CATSPERE: variants seen among roughly 807,000 people sequenced by gnomAD.
CATSPERE encodes cation channel sperm-associated auxiliary subunit epsilon.
Under a neutral mutation model 114.1 loss-of-function variants are expected in CATSPERE, and 93 were observed. The observed-to-expected ratio is 0.81, with a 90% CI of 0.69 to 0.97. The LOEUF (loss-of-function observed/expected upper bound fraction) is 0.97, where lower values mean the gene tolerates loss of function less well. Among genes scored for constraint, CATSPERE ranks in the 50% least tolerant of loss-of-function variants. The pLI is 0.00. For missense variants in CATSPERE, 1,058 were observed against 1,131.6 expected (o/e 0.93, Z 0.93); for synonymous variants, 341 against 384.1 (o/e 0.89, Z 1.31).
intron 5 of CATSPERE, among the ~76,000 whole-genome samples, chr1:244,483,402 C>T (rs1670553800): frequency 6.6e-6 from 1 of 152,142 alleles, no homozygotes; most frequent in Admixed American, 6.5e-5. Context: ...CTGGGTGATG[C>T]CTAAGTAACT....
intron 7 of CATSPERE, among the ~76,000 whole-genome samples, chr1:244,508,820 G>A (rs1430159481): frequency 7.1e-6 from 1 of 141,476 alleles, no homozygotes; most frequent in East Asian, 2.1e-4. Flanking sequence ...AACATAGTGA[G>A]ACCCTATCTC....
chr1:244,475,409 T>C (rs527996038), intron 2 of CATSPERE, among the ~76,000 whole-genome samples: 1 of 151,846 alleles, frequency 6.6e-6, no homozygotes, highest in South Asian at 2.1e-4. Context: ...AATTTTTGTA[T>C]TTTTAGTAGA....
chr1:244,619,635 G>A (rs979228747), intron 20 of CATSPERE, among the ~76,000 whole-genome samples: 1 of 152,204 alleles, frequency 6.6e-6, no homozygotes, highest in Non-Finnish European at 1.5e-5. Context: ...GTAAGAGGGG[G>A]CTTCGGAAAA....
At chr1:244,578,717 GTA>G (rs199992325) in intron 11 of CATSPERE, among the ~76,000 whole-genome samples, 1 of 141,572 alleles carries the variant, frequency 7.1e-6, no homozygotes. Flanking sequence ...ATATATACAG[GTA>G]TATATATATA....
At chr1:244,537,197 G>C (rs906108438) in intron 8 of CATSPERE, among the ~76,000 whole-genome samples, 2 of 152,146 alleles carry the variant, frequency 1.3e-5, no homozygotes, top group Non-Finnish European at 1.5e-5. Flanking sequence ...TCAAGTTTAA[G>C]AAGGTCCCCT....
At chr1:244,481,623 C>T (rs1277734565) in intron 5 of CATSPERE, among the ~76,000 whole-genome samples, 4 of 152,054 alleles carry the variant, frequency 2.6e-5, no homozygotes, top group African/African-American at 9.7e-5. Flanking sequence ...GTGTCCCACC[C>T]CATTTACCCC....
intron 6 of CATSPERE, among the ~76,000 whole-genome samples, chr1:244,494,044 C>G (rs541438253): frequency 6.6e-6 from 1 of 152,052 alleles, no homozygotes; most frequent in East Asian, 1.9e-4. Context: ...GTCAGTGTGG[C>G]GATTCCTCAG....
chr1:244,544,376 T>C (rs1659387929), intron 8 of CATSPERE, among the ~76,000 whole-genome samples: 1 of 152,182 alleles, frequency 6.6e-6, no homozygotes, highest in Admixed American at 6.6e-5. Flanking sequence ...TGCGGGCTTA[T>C]GGAGGTTAGA....
At chr1:244,552,136 ATT>A (rs1275040202) in intron 8 of CATSPERE, among the ~76,000 whole-genome samples, 184 bp from the exon 9 acceptor site, 1 of 151,742 alleles carries the variant, frequency 6.6e-6, no homozygotes, top group Non-Finnish European at 1.5e-5. Context: ...AAGAGTCAAG[ATT>A]GTGTTCCTTT....
intron 7 of CATSPERE, among the ~76,000 whole-genome samples, chr1:244,510,811 T>C (rs1451860364): frequency 7.0e-6 from 1 of 142,874 alleles, no homozygotes; most frequent in Non-Finnish European, 1.5e-5. Flanking sequence ...AACATTTCTT[T>C]CTTTTTTTTT....
At chr1:244,505,770 G>T (rs576825082) in intron 7 of CATSPERE, among the ~76,000 whole-genome samples, 1 of 152,296 alleles carries the variant, frequency 6.6e-6, no homozygotes, top group Non-Finnish European at 1.5e-5. Context: ...ACTTTGGGAG[G>T]CCGAGGTGGG....
intron 7 of CATSPERE, among the ~76,000 whole-genome samples, chr1:244,517,857 C>T (rs1359435023): frequency 2.0e-5 from 3 of 150,756 alleles, no homozygotes; most frequent in Admixed American, 1.3e-4. Context: ...ATGGGTTCTA[C>T]TATCAGATAA....
intron 9 of CATSPERE, among the ~76,000 whole-genome samples, chr1:244,556,658 AG>A: frequency 6.6e-6 from 1 of 152,238 alleles, no homozygotes. Context: ...GTTTTCTTCT[AG>A]GAATTTGAGA....
At chr1:244,547,459 G>A (rs957439404) in intron 8 of CATSPERE, among the ~76,000 whole-genome samples, 4 of 152,122 alleles carry the variant, frequency 2.6e-5, no homozygotes, top group Non-Finnish European at 5.9e-5. Context: ...ATCACTTACT[G>A]TATAAAGGTT....
rs1674187874 is a variant in CATSPERE at position 244,633,168 on chromosome 1, A to G, written c.2649-2321A>G. 6.6e-6 allele frequency among the ~76,000 whole-genome samples: 1 copy of G among 152,240 alleles called. No individual in the cohort carries two copies. Among genetic ancestry groups the G allele is most frequent in the Non-Finnish European group, 1.5e-5 (1 of 68,038 alleles). ...GAGAAACAGACAAACCCCTAATTGC[A>G]GTTGGAGATTTCAACATTCCTTTCT... On this transcript the variant is annotated intron_variant, in intron 20 of 21. Coordinates refer to ENST00000366534, the MANE Select transcript of CATSPERE (RefSeq NM_001130957.2). This position sits in a 1 kb window ranked among gnomAD's most constrained non-coding sequence, Gnocchi z 4.1.
chr1:244,550,238 A>G (rs1419475787), intron 8 of CATSPERE, among the ~76,000 whole-genome samples: 1 of 152,168 alleles, frequency 6.6e-6, no homozygotes, highest in Non-Finnish European at 1.5e-5. Context: ...ATCATGTGAA[A>G]GGCAACCACT....
intron 13 of CATSPERE, among the ~76,000 whole-genome samples, chr1:244,588,054 C>T (rs1221390703): frequency 6.6e-6 from 1 of 151,972 alleles, no homozygotes; most frequent in African/African-American, 2.4e-5. Flanking sequence ...ATTAGCTGGG[C>T]GTGGTGGTGC....
chr1:244,518,602 T>C lies in CATSPERE; in HGVS notation c.440T>C (p.Val147Ala), dbSNP rs761651946. 4 of 1,570,124 alleles carry C rather than the reference T, an allele frequency of 2.5e-6. No homozygotes were observed. The highest frequency in any genetic ancestry group is 3.5e-6 in the Non-Finnish European group (4 of 1,142,516). Residue 147 changes from valine (V) to alanine (A), a missense_variant, in exon 8 of 22, where the codon GTA becomes GCA. By Grantham distance (64) the Val-to-Ala change is moderately conservative (BLOSUM62 0). Transcript: ENST00000366534. ...NAEEPSINSI[V>A]LSTQMATLGQ... Reference sequence around the variant, plus strand: ...AATTTGTTTTTACAGAATTCCATAGTACTCAGCACACAGATGGCCACATTG... The same window carrying C: ...AATTTGTTTTTACAGAATTCCATAGCACTCAGCACACAGATGGCCACATTG...
upstream of CATSPERE, chr1:244,454,252 C>T (rs955874504): frequency 2.6e-5 from 4 of 152,178 alleles, no homozygotes; most frequent in African/African-American, 9.7e-5. Flanking sequence ...AATTACCGTT[C>T]GGAGGTCATC....
Sources: gnomAD v4.1 joint callset for allele counts (sites outside exome capture counted in the v4.1 genomes callset) on GRCh38, gnomAD v4.1.1 for gene constraint, Gnocchi (gnomAD v3.1) non-coding constraint, MANE v1.5 for transcripts, NCBI Gene and HGNC (gene_info 2026-07-23, HGNC 2026-07-21) for gene names.